CCNY: variants seen among roughly 807,000 people sequenced by gnomAD.
The protein encoded by CCNY is cyclin Y.
A neutral mutation model predicts 42.8 loss-of-function variants in CCNY; 19 were observed. The observed-to-expected ratio is 0.44, with a 90% CI of 0.31 to 0.65. The LOEUF (loss-of-function observed/expected upper bound fraction) is 0.65, where lower values mean the gene tolerates loss of function less well. Ranked by LOEUF, CCNY falls within the 30% of genes least tolerant of loss-of-function variation. CCNY has a pLI of 0.07. For synonymous variants in CCNY, 165 were observed against 162.7 expected (o/e 1.01, Z -0.11); for missense variants, 370 against 437.3 (o/e 0.85, Z 1.37).
Position 35,516,534 on chromosome 10 carries a change from A to G in CCNY, c.276A>G (p.Gly92=). The change falls in exon 4 of 10, where the codon GGA becomes GGG. Residue 92 remains glycine, a synonymous_variant. Transcript: ENST00000374704. ...CTGTTGTTTTCTAGCATCCTCCAGGACAAATAGCAAGGAAATACAGTTCCT... is the reference window on the plus strand; with the variant it reads ...CTGTTGTTTTCTAGCATCCTCCAGGGCAAATAGCAAGGAAATACAGTTCCT... ...KSLFINHHPP[G]QIARKYSSCS... The G allele has an allele frequency of 4.3e-6, 7 of 1,613,172 alleles. No homozygotes were observed. The highest frequency in any genetic ancestry group is 5.9e-6 in the Non-Finnish European group (7 of 1,179,328).
intron 1 of CCNY, among the ~76,000 whole-genome samples, chr10:35,474,382 G>T (rs1839458578): frequency 6.6e-6 from 1 of 152,228 alleles, no homozygotes; most frequent in South Asian, 2.1e-4. Flanking sequence ...AACCTCTGCA[G>T]ACTTAAATGT....
chr10:35,569,522 C>T lies in CCNY; in HGVS notation c.*352C>T, dbSNP rs750398833. 2.2e-4 allele frequency: 65 copies of T among 300,444 alleles called. No individual in the cohort carries two copies. Among genetic ancestry groups the T allele is most frequent in the Non-Finnish European group, 3.7e-4 (58 of 155,110 alleles). 18.6% of individuals were successfully genotyped at this position (300,444 alleles called of 1,614,324 possible). A position where few individuals can be genotyped will look rare whatever the true frequency, so the allele number is the denominator to read the frequency against. On this transcript the variant is annotated 3_prime_UTR_variant, in exon 10 of 10. Coordinates refer to ENST00000374704, the MANE Select transcript of CCNY (RefSeq NM_145012.6). Reference sequence around the variant, plus strand: ...CCATGGGGGCGGTAGCTGAAGTTGGCGAGCGCAGCGGTGGATGCAGAGCTG... The same window carrying T: ...CCATGGGGGCGGTAGCTGAAGTTGGTGAGCGCAGCGGTGGATGCAGAGCTG...
At chr10:35,493,388 C>T (rs895475899) in intron 2 of CCNY, among the ~76,000 whole-genome samples, 10 of 152,172 alleles carry the variant, frequency 6.6e-5, no homozygotes, top group Non-Finnish European at 1.5e-4. Context: ...CATAAACTTA[C>T]TTTTCAATTC....
At chr10:35,289,907 A>G (rs529275121) in intron 3 of CCNY, among the ~76,000 whole-genome samples, 1 of 150,486 alleles carries the variant, frequency 6.6e-6, no homozygotes, top group East Asian at 2.0e-4. Context: ...AGTTCCTTCA[A>G]TTATTTGTTG....
intron 1 of CCNY, among the ~76,000 whole-genome samples, chr10:35,409,377 G>A (rs894925836): frequency 5.9e-5 from 9 of 152,206 alleles, no homozygotes; most frequent in African/African-American, 2.2e-4. Flanking sequence ...AGTTCAGTGT[G>A]GGTACCAGCT....
intron 4 of CCNY, among the ~76,000 whole-genome samples, chr10:35,520,814 A>C (rs965743814): frequency 6.6e-6 from 1 of 152,170 alleles, no homozygotes; most frequent in Admixed American, 6.5e-5. Context: ...TGTGGTATGA[A>C]TTTAGAGTTT....
At chr10:35,503,927 T>C (rs1168168708) in intron 3 of CCNY, among the ~76,000 whole-genome samples, 3 of 152,208 alleles carry the variant, frequency 2.0e-5, no homozygotes, top group Non-Finnish European at 4.4e-5. Flanking sequence ...ACATTTATAA[T>C]TAAATTTGTA....
At chr10:35,296,329 C>A (rs180673654) in intron 3 of CCNY, among the ~76,000 whole-genome samples, 2 of 152,292 alleles carry the variant, frequency 1.3e-5, no homozygotes, top group East Asian at 3.9e-4. Flanking sequence ...CCTGTAATTT[C>A]AGGACTTTGG....
At chr10:35,469,024 C>T (rs1264982835) in intron 1 of CCNY, among the ~76,000 whole-genome samples, 1 of 152,166 alleles carries the variant, frequency 6.6e-6, no homozygotes, top group African/African-American at 2.4e-5. Context: ...CCTGCAGGAA[C>T]GTTAAAATAA....
intron 3 of CCNY, among the ~76,000 whole-genome samples, chr10:35,328,632 G>A (rs866902668): frequency 6.6e-6 from 1 of 152,156 alleles, no homozygotes; most frequent in Non-Finnish European, 1.5e-5. Flanking sequence ...CTACAACTTC[G>A]TGTGATGGAT....
At chr10:35,336,153 C>A (rs969601569), upstream of CCNY, 1 of 152,188 alleles carries the variant, frequency 6.6e-6, no homozygotes, top group African/African-American at 2.4e-5. Context: ...AGCCTCAGCG[C>A]CCTGGGCCTG....
At position 35,516,587 on chromosome 10, in the gene CCNY, C is replaced by T; in HGVS notation, c.329C>T (p.Thr110Ile). Residue 110 changes from threonine to isoleucine, a missense_variant, in exon 4 of 10, where the codon ACA becomes ATA. Around this residue, in one of 2 missense-constraint regions of CCNY, gnomAD observed 234 missense variants for 313.1 expected, o/e 0.75. Transcript: ENST00000374704. ...SCSTIFLDDS[T>I]VSQPNLKYTI... ...TCCACCATTTTCCTAGATGATAGCA[C>T]AGTCAGTCAACCAAACCTCAAGTAT... is the stretch of plus-strand genomic sequence containing the variant. 2 of 1,606,298 alleles carry T rather than the reference C, an allele frequency of 1.2e-6. No homozygotes were observed. The highest frequency in any genetic ancestry group is 4.5e-5 in the East Asian group (2 of 44,360).
At chr10:35,346,023 G>A (rs1282133065) in intron 1 of CCNY, among the ~76,000 whole-genome samples, 1 of 152,124 alleles carries the variant, frequency 6.6e-6, no homozygotes, top group African/African-American at 2.4e-5. Context: ...TGCACCCTTA[G>A]GTGTAAGCTG....
At chr10:35,275,020 T>G (rs1835220612) in intron 3 of CCNY, among the ~76,000 whole-genome samples, 2 of 150,796 alleles carry the variant, frequency 1.3e-5, no homozygotes. Context: ...AGGGTGGCAT[T>G]GCGTTCTAGG....
At chr10:35,268,387 A>C (rs1277284682) in intron 3 of CCNY, among the ~76,000 whole-genome samples, 1 of 152,186 alleles carries the variant, frequency 6.6e-6, no homozygotes, top group African/African-American at 2.4e-5. Flanking sequence ...TAAGGCTTGA[A>C]TACAATCTTT....
At chr10:35,414,059 A>T (rs1181873026) in intron 1 of CCNY, among the ~76,000 whole-genome samples, 4 of 152,178 alleles carry the variant, frequency 2.6e-5, no homozygotes, top group Admixed American at 6.5e-5. Context: ...CTAGGCTAAA[A>T]AATAGGCCTA....
chr10:35,472,904 A>T (rs937926377), intron 1 of CCNY, among the ~76,000 whole-genome samples: 8 of 152,226 alleles, frequency 5.3e-5, no homozygotes, highest in African/African-American at 1.9e-4. Context: ...TAGTATTTCG[A>T]TACGAATAGA....
At chr10:35,494,145 C>G (rs1839957174) in intron 2 of CCNY, among the ~76,000 whole-genome samples, 1 of 151,576 alleles carries the variant, frequency 6.6e-6, no homozygotes, top group Non-Finnish European at 1.5e-5. Flanking sequence ...CACAGTGGCT[C>G]ACTCCTGTAA....
Position 35,337,113 on chromosome 10 carries a change from C to G in CCNY, c.60C>G (p.His20Gln). The change falls in exon 1 of 10, where the codon CAC becomes CAG. Residue 20 changes from histidine to glutamine, a missense_variant. His to Gln is a conservative substitution (Grantham distance 24). Coordinates refer to ENST00000374704, the MANE Select transcript of CCNY (RefSeq NM_145012.6). ...GTCCCAAGCTCCGGAGGAATGCCCACTCCCGGCTGGAGTCCTACCGGCCAG... is the reference window on the plus strand; with the variant it reads ...GTCCCAAGCTCCGGAGGAATGCCCAGTCCCGGCTGGAGTCCTACCGGCCAG... ...SSSPKLRRNA[H>Q]SRLESYRPDT... 1 of 1,593,608 alleles carries G rather than the reference C, an allele frequency of 6.3e-7. No homozygotes were observed. The highest frequency in any genetic ancestry group is 8.5e-7 in the Non-Finnish European group (1 of 1,172,044).
Sources: gnomAD v4.1 joint callset for allele counts (sites outside exome capture counted in the v4.1 genomes callset) on GRCh38, gnomAD v4.1.1 for gene constraint, gnomAD v4.1.1 regional missense constraint, MANE v1.5 for transcripts, NCBI Gene and HGNC (gene_info 2026-07-23, HGNC 2026-07-21) for gene names.